The following AGBL1 variants were observed in gnomAD, a reference collection of about 807,000 sequenced individuals.
The protein encoded by AGBL1 is cytosolic carboxypeptidase 4.
Under a neutral mutation model 118.9 loss-of-function variants are expected in AGBL1, and 130 were observed. The observed-to-expected ratio is 1.09, with a 90% confidence interval of 0.95 to 1.26. The LOEUF (loss-of-function observed/expected upper bound fraction) is 1.26, where lower values mean the gene tolerates loss of function less well. Among genes scored for constraint, AGBL1 ranks in the 50% most tolerant of loss-of-function variants. AGBL1 has a pLI of 0.00. For missense variants in AGBL1, 1,584 were observed against 1,298.1 expected (o/e 1.22, Z -3.38); for synonymous variants, 555 against 478.9 (o/e 1.16, Z -2.08).
In AGBL1 at chr15:86,846,593, G is replaced by A. The variant is rs377294800; in HGVS notation, c.3159-60494G>A. Among the ~76,000 whole-genome samples, 20 of 152,148 alleles carry A rather than the reference G, an allele frequency of 1.3e-4. No individual in the cohort carries two copies. In the East Asian group the frequency reaches 2.9e-3, roughly 22 times the overall value. On this transcript the variant is annotated intron_variant, in intron 22 of 22. Transcript: ENST00000614907. ...GTCACCCAGGCTGGAGTGCAGTGGC[G>A]CCATCTTGGCTCACTGCAACCTCTG...
At chr15:86,522,968 C>T in intron 19 of AGBL1, 29 bp downstream of exon 19, 4 of 1,608,152 alleles carry the variant, frequency 2.5e-6, no homozygotes, top group Non-Finnish European at 2.6e-6. Context: ...CCTCCACCTT[C>T]CTGGCTGCTT....
At chr15:86,360,121 T>A (rs978281605) in intron 17 of AGBL1, among the ~76,000 whole-genome samples, 14 of 151,966 alleles carry the variant, frequency 9.2e-5, no homozygotes, top group African/African-American at 3.1e-4. Context: ...TTGTACCAGA[T>A]CTTTGAGGGA....
chr15:86,618,228 T>A (rs1249004401), intron 21 of AGBL1, among the ~76,000 whole-genome samples: 1 of 152,204 alleles, frequency 6.6e-6, no homozygotes, highest in African/African-American at 2.4e-5. Flanking sequence ...GTCTGCCTAG[T>A]CTTGCCTTTA....
At chr15:86,872,861 A>G (rs2079749923) in intron 22 of AGBL1, among the ~76,000 whole-genome samples, 2 of 152,242 alleles carry the variant, frequency 1.3e-5, no homozygotes. Flanking sequence ...CAGAAATTCA[A>G]TAGCAGACTT....
At chr15:86,215,984 A>T (rs575709566) in intron 5 of AGBL1, among the ~76,000 whole-genome samples, 5 of 152,292 alleles carry the variant, frequency 3.3e-5, no homozygotes, top group Admixed American at 3.3e-4. Flanking sequence ...TGTTAAATTG[A>T]TTACCAGGAA....
intron 7 of AGBL1, 69 bp from the exon 8 acceptor site, chr15:86,256,784 A>G: frequency 6.8e-7 from 1 of 1,481,040 alleles, no homozygotes; most frequent in Admixed American, 1.8e-5. Context: ...GGAGAGTGTT[A>G]TTAGCTGTGT....
At chr15:86,544,291 C>G (rs1009508432) in intron 19 of AGBL1, among the ~76,000 whole-genome samples, 1 of 152,254 alleles carries the variant, frequency 6.6e-6, no homozygotes, top group South Asian at 2.1e-4. Context: ...TCTCATCATC[C>G]AGCAGCCCAG....
intron 22 of AGBL1, among the ~76,000 whole-genome samples, chr15:86,832,602 T>C (rs2079120518): frequency 6.6e-6 from 1 of 152,218 alleles, no homozygotes; most frequent in Non-Finnish European, 1.5e-5. Context: ...GTCACACTTT[T>C]GCTTCAGTTT....
chr15:86,515,811 T>A lies in AGBL1; in HGVS notation c.2556-6999T>A, dbSNP rs79397293. 1.4e-3 allele frequency among the ~76,000 whole-genome samples: 209 copies of A among 152,328 alleles called. 1 individual carries two copies. The highest frequency in any genetic ancestry group is 4.7e-3 in the African/African-American group (197 of 41,580). ...CAAAAGTATCTGAGACAGATCTCAA[T>A]CAATTTAAAAAGTTTGTTTTGGCAG... On this transcript the variant is annotated intron_variant, in intron 18 of 22. Coordinates refer to ENST00000614907, the MANE Select transcript of AGBL1 (RefSeq NM_001386094.1).
At chr15:86,578,249 A>T (rs1240801678) in intron 21 of AGBL1, among the ~76,000 whole-genome samples, 1 of 152,204 alleles carries the variant, frequency 6.6e-6, no homozygotes, top group Non-Finnish European at 1.5e-5. Context: ...ATCATTTTGG[A>T]ACTTTAAGAT....
chr15:86,925,618 T>C (rs1027147703), intron 23 of AGBL1, among the ~76,000 whole-genome samples: 2 of 152,130 alleles, frequency 1.3e-5, no homozygotes, highest in African/African-American at 4.8e-5. Flanking sequence ...GTAAGCAAAG[T>C]AGCTGTCCAC....
intron 17 of AGBL1, among the ~76,000 whole-genome samples, chr15:86,384,600 T>C (rs997350331): frequency 1.2e-4 from 18 of 152,318 alleles, no homozygotes; most frequent in Middle Eastern, 3.4e-3. Flanking sequence ...GAGAAATCTG[T>C]AGTTTGATGC....
chr15:86,916,664 G>A (rs1477008970), downstream of AGBL1, among the ~76,000 whole-genome samples: 2 of 152,132 alleles, frequency 1.3e-5, no homozygotes, highest in South Asian at 2.1e-4. Flanking sequence ...CTTTCCTCTG[G>A]GTCTCAGTTT....
chr15:86,751,658 G>T (rs779364002), intron 22 of AGBL1, among the ~76,000 whole-genome samples: 1 of 152,086 alleles, frequency 6.6e-6, no homozygotes, highest in Non-Finnish European at 1.5e-5. Context: ...TTCATTTCTT[G>T]CAGCCTCCTG....
Position 86,279,691 on chromosome 15 carries a change from T to C in AGBL1, c.2128T>C (p.Tyr710His), listed in dbSNP as rs2079316864. Residue 710 changes from tyrosine (Y) to histidine (H), a missense_variant, in exon 16 of 23, where the codon TAC becomes CAC. Tyr to His is a moderately conservative substitution (Grantham distance 83). Coordinates refer to ENST00000614907, the MANE Select transcript of AGBL1 (RefSeq NM_001386094.1). ...AVAGGASGKCYYTLTFAVTFP... is the reference protein window; with the variant it reads ...AVAGGASGKCHYTLTFAVTFP... ...TGCAGGCGGAGCATCTGGGAAGTGC[T>C]ACTATACCCTCACCTTTGCTGTCAC... 6.2e-7 allele frequency: 1 copy of C among 1,613,352 alleles called. No individual in the cohort carries two copies. The highest frequency in any genetic ancestry group is 1.3e-5 in the African/African-American group (1 of 74,900).
At chr15:86,268,927 G>A (rs1158056051) in intron 13 of AGBL1, among the ~76,000 whole-genome samples, 2 of 152,196 alleles carry the variant, frequency 1.3e-5, no homozygotes, top group Non-Finnish European at 2.9e-5. Context: ...TTTCATAAGA[G>A]CAATGCAAAG....
At chr15:86,192,016 G>A (rs369672670) in intron 5 of AGBL1, among the ~76,000 whole-genome samples, 13 of 151,412 alleles carry the variant, frequency 8.6e-5, no homozygotes, top group Non-Finnish European at 1.5e-4. Flanking sequence ...TTGGAGGGTC[G>A]CTTGAGCCCA....
intron 17 of AGBL1, among the ~76,000 whole-genome samples, chr15:86,311,251 G>A (rs1000142864): frequency 3.9e-5 from 6 of 152,128 alleles, no homozygotes; most frequent in Non-Finnish European, 5.9e-5. Context: ...TGTTTCCTTT[G>A]GCAGGTTGTT....
chr15:86,827,738 C>A (rs544768757), intron 22 of AGBL1, among the ~76,000 whole-genome samples: 1 of 146,736 alleles, frequency 6.8e-6, no homozygotes, highest in Non-Finnish European at 1.5e-5. Flanking sequence ...ACTACCACCA[C>A]CAAAGATGTG....
Sources: gnomAD v4.1 joint callset for allele counts (sites outside exome capture counted in the v4.1 genomes callset) on GRCh38, gnomAD v4.1.1 for gene constraint, MANE v1.5 for transcripts, NCBI Gene and HGNC (gene_info 2026-07-23, HGNC 2026-07-21) for gene names.